The following PRUNE2 variants were observed in gnomAD, a reference collection of about 807,000 sequenced individuals.
The protein encoded by PRUNE2 is protein prune homolog 2.
PRUNE2 carries 164 observed loss-of-function variants against 252.0 expected under a neutral mutation model. The observed-to-expected ratio is 0.65, with a 90% CI of 0.57 to 0.74. The LOEUF (loss-of-function observed/expected upper bound fraction) is 0.74. PRUNE2 is among the 30% of genes least tolerant of loss of function. The pLI, the probability that PRUNE2 is intolerant of heterozygous loss-of-function variation, is 0.00. For synonymous variants in PRUNE2, 1,292 were observed against 1,350.2 expected, an observed-to-expected ratio of 0.96 and a Z score of 0.94; for missense variants, 3,495 against 3,711.0, an observed-to-expected ratio of 0.94 and a Z score of 1.51.
intron 6 of PRUNE2, among the ~76,000 whole-genome samples, chr9:76,755,559 G>A (rs535072926): frequency 1.3e-5 from 2 of 152,324 alleles, no homozygotes; most frequent in African/African-American, 4.8e-5. Context: ...GAATCTAGAA[G>A]CCTGCCTTGA....
In PRUNE2 at chr9:76,705,855, T is replaced by G; in HGVS notation, c.6419A>C (p.Glu2140Ala). 6.2e-7 allele frequency: 1 copy of G among 1,613,640 alleles called. No individual in the cohort carries two copies. The highest frequency in any genetic ancestry group is 8.5e-7 in the Non-Finnish European group (1 of 1,179,870). Residue 2140 changes from glutamate to alanine, a missense_variant, in exon 8 of 19, where the codon GAG (glutamate) becomes GCG (alanine). By Grantham distance (107) the Glu-to-Ala change is moderately radical. Transcript: ENST00000376718. ...CTCATAAATGGGTTCTTCATCTATC[T>G]CTGGCTCAGTGAGACAAAGCTCACT... Reference protein sequence around the residue: ...ESSELCLTEPEIDEEPIYEPG... With the variant: ...ESSELCLTEPAIDEEPIYEPG...
chr9:76,670,392 G>C (rs1156549990), intron 9 of PRUNE2, among the ~76,000 whole-genome samples: 3 of 152,074 alleles, frequency 2.0e-5, no homozygotes, highest in Non-Finnish European at 4.4e-5. Context: ...ACCTGGCTCG[G>C]AGGGTCCTAC....
intron 6 of PRUNE2, among the ~76,000 whole-genome samples, chr9:76,820,693 C>T (rs1397883228): frequency 1.3e-5 from 2 of 152,154 alleles, no homozygotes; most frequent in Admixed American, 6.5e-5. Flanking sequence ...CCTCCCACTC[C>T]GTTTTTGGAG....
intron 6 of PRUNE2, among the ~76,000 whole-genome samples, chr9:76,731,303 TATCTATC>T (rs2048561105): frequency 2.1e-5 from 1 of 47,998 alleles, no homozygotes; most frequent in Non-Finnish European, 4.6e-5. Flanking sequence ...TCTATCTATC[TATCTATC>T]TATATATATA....
chr9:76,905,187 A>G (rs938614330), intron 1 of PRUNE2, among the ~76,000 whole-genome samples: 5 of 152,164 alleles, frequency 3.3e-5, no homozygotes, highest in Non-Finnish European at 7.3e-5. Flanking sequence ...AAACTGCTAG[A>G]GTCTGTTGTT....
At chr9:76,722,806 C>T (rs2047761314) in intron 6 of PRUNE2, among the ~76,000 whole-genome samples, 1 of 152,176 alleles carries the variant, frequency 6.6e-6, no homozygotes. Context: ...GTATGTGGGA[C>T]AAATGGGACT....
At chr9:76,701,333 G>GA in intron 9 of PRUNE2, among the ~76,000 whole-genome samples, 1 of 152,300 alleles carries the variant, frequency 6.6e-6, no homozygotes, top group Non-Finnish European at 1.5e-5. Flanking sequence ...ATGCCGGAGG[G>GA]AAAATCTGCC....
At chr9:76,901,524 G>A (rs188437960) in intron 1 of PRUNE2, among the ~76,000 whole-genome samples, 52 of 152,204 alleles carry the variant, frequency 3.4e-4, no homozygotes, top group Middle Eastern at 3.4e-3. Flanking sequence ...TTATTGATAC[G>A]CGGAACTTTC....
At chr9:76,681,451 A>T (rs887456561) in intron 9 of PRUNE2, among the ~76,000 whole-genome samples, 4 of 84,000 alleles carry the variant, frequency 4.8e-5, no homozygotes, top group Non-Finnish European at 8.0e-5. Flanking sequence ...TACCACGATT[A>T]AAAAAAAAAA....
intron 6 of PRUNE2, among the ~76,000 whole-genome samples, chr9:76,798,547 T>G (rs1266679255): frequency 6.6e-6 from 1 of 152,188 alleles, no homozygotes; most frequent in Non-Finnish European, 1.5e-5. Context: ...AATGGACACT[T>G]GAGTTGCTTC....
chr9:76,743,165 A>G (rs2049800768), intron 6 of PRUNE2, among the ~76,000 whole-genome samples: 1 of 152,050 alleles, frequency 6.6e-6, no homozygotes, highest in Non-Finnish European at 1.5e-5. Flanking sequence ...TTTCTTGAGG[A>G]CTTCCCAGCC....
intron 1 of PRUNE2, among the ~76,000 whole-genome samples, chr9:76,879,694 GC>G (rs1185713003): frequency 6.6e-6 from 1 of 151,520 alleles, no homozygotes; most frequent in Non-Finnish European, 1.5e-5. Flanking sequence ...GTTAAGTAAG[GC>G]CCCAAAGGAA....
At chr9:76,627,456 G>T (rs576505677) in intron 16 of PRUNE2, among the ~76,000 whole-genome samples, 2 of 152,118 alleles carry the variant, frequency 1.3e-5, no homozygotes, top group East Asian at 1.9e-4. Flanking sequence ...ATTTGAAGAC[G>T]GAGTACACCT....
intron 11 of PRUNE2, among the ~76,000 whole-genome samples, chr9:76,645,379 T>C (rs1299904237): frequency 6.6e-6 from 1 of 152,186 alleles, no homozygotes; most frequent in Non-Finnish European, 1.5e-5. Flanking sequence ...GTGATGATAC[T>C]ACAAGCCAAG....
chr9:76,817,203 T>C (rs947267593), intron 6 of PRUNE2, among the ~76,000 whole-genome samples: 1 of 152,138 alleles, frequency 6.6e-6, no homozygotes, highest in East Asian at 1.9e-4. Context: ...GACTTACTAG[T>C]GAACCCCTGA....
intron 18 of PRUNE2, among the ~76,000 whole-genome samples, chr9:76,616,931 A>G (rs990519258): frequency 6.6e-6 from 1 of 152,098 alleles, no homozygotes; most frequent in Non-Finnish European, 1.5e-5. Flanking sequence ...CTAAAAGGGA[A>G]GGAGACAAGC....
Position 76,708,906 on chromosome 9 carries a change from G to A in PRUNE2, c.3368C>T (p.Thr1123Ile), listed in dbSNP as rs566964305. The change falls in exon 8 of 19, where the codon ACT becomes ATT. Residue 1123 changes from threonine (T) to isoleucine (I), a missense_variant. Transcript: ENST00000376718. ...ATCTGAGATCGTTGCAGTGGACTGA[G>A]TATCCTCCAAAATCACTCTGTTCCA... The part of the protein sequence containing the change: ...DLWNRVILED[T>I]QSTATISDMD... 28 of 1,613,992 alleles carry A rather than the reference G, an allele frequency of 1.7e-5. No individual in the cohort carries two copies. In the South Asian group the frequency reaches 2.6e-4, roughly 15 times the overall value.
At chr9:76,639,815 G>A (rs1841783404) in intron 12 of PRUNE2, among the ~76,000 whole-genome samples, 2 of 152,210 alleles carry the variant, frequency 1.3e-5, no homozygotes, top group Admixed American at 6.5e-5. Context: ...TGCGGAAAGT[G>A]TGGCCATTGA....
chr9:76,722,619 A>T (rs1326302583), intron 6 of PRUNE2, among the ~76,000 whole-genome samples: 1 of 152,234 alleles, frequency 6.6e-6, no homozygotes, highest in African/African-American at 2.4e-5. Flanking sequence ...CGTCAATAGT[A>T]TATTGCCTGA....
Sources: allele counts gnomAD v4.1 joint callset (sites outside exome capture counted in the v4.1 genomes callset), GRCh38; gene constraint gnomAD v4.1.1; transcripts MANE v1.5; gene names NCBI Gene and HGNC (gene_info 2026-07-23, HGNC 2026-07-21).